Variants in CNBD1 observed in about 807,000 individuals in gnomAD.
The protein encoded by CNBD1 is cyclic nucleotide-binding domain-containing protein 1.
CNBD1 carries 71 observed loss-of-function variants against 54.4 expected under a neutral mutation model. The observed-to-expected ratio is 1.30, with a 90% CI of 1.08 to 1.59. The LOEUF is 1.59. CNBD1 is among the 40% of genes most tolerant of loss of function. CNBD1 has a pLI of 0.00. For synonymous variants in CNBD1, 182 were observed against 170.7 expected (o/e 1.07, Z -0.51); for missense variants, 659 against 518.0 (o/e 1.27, Z -2.64).
intron 10 of CNBD1, among the ~76,000 whole-genome samples, chr8:87,356,858 C>G (rs1165076014): frequency 6.6e-6 from 1 of 152,118 alleles, no homozygotes. Flanking sequence ...GACAGCTCCT[C>G]CCATCACAGG....
chr8:87,304,756 A>T (rs565659978), intron 8 of CNBD1, among the ~76,000 whole-genome samples: 7 of 152,154 alleles, frequency 4.6e-5, no homozygotes, highest in Admixed American at 3.9e-4. Flanking sequence ...AACAAGGGAC[A>T]TATCTTAATG....
chr8:87,053,433 A>G (rs1471543339), intron 4 of CNBD1, among the ~76,000 whole-genome samples: 1 of 152,176 alleles, frequency 6.6e-6, no homozygotes, highest in East Asian at 1.9e-4. Context: ...GTGCAGGCTG[A>G]GGATGGTTTT....
intron 10 of CNBD1, among the ~76,000 whole-genome samples, chr8:87,372,765 C>T (rs1247434741): frequency 1.3e-5 from 2 of 151,918 alleles, no homozygotes; most frequent in East Asian, 1.9e-4. Context: ...TCAATCACCT[C>T]ATATATGGCA....
At position 87,099,603 on chromosome 8, in the gene CNBD1, CAT is replaced by C. The variant is rs558540108; in HGVS notation, c.432-106389_432-106388del. ...GTTAGATCATTTAATTATTTCCTAA[CAT>C]GTTGAATGTGAGTGACAAAATAGAA... On this transcript the variant is annotated intron_variant, in intron 4 of 10. Transcript: ENST00000518476. Among the ~76,000 whole-genome samples the C allele has an allele frequency of 1.3e-3, 196 of 152,224 alleles. 1 individual carries two copies. Among genetic ancestry groups the C allele is most frequent in the African/African-American group, 4.6e-3 (190 of 41,532 alleles).
intron 4 of CNBD1, among the ~76,000 whole-genome samples, chr8:87,015,808 C>T (rs1809342628): frequency 6.6e-6 from 1 of 151,744 alleles, no homozygotes; most frequent in Admixed American, 6.6e-5. Flanking sequence ...TGGTGAAACC[C>T]CATCTCTACT....
At chr8:87,006,764 T>C (rs1388791796) in intron 4 of CNBD1, among the ~76,000 whole-genome samples, 1 of 152,186 alleles carries the variant, frequency 6.6e-6, no homozygotes, top group Non-Finnish European at 1.5e-5. Flanking sequence ...AGATGACAAC[T>C]CCTCCTCTTT....
rs182985265 is a variant in CNBD1, at chr8:86,951,199, T to C, written c.431+11445T>C. Among the ~76,000 whole-genome samples the C allele has an allele frequency of 8.2e-3, 1,251 of 152,236 alleles. 4 individuals are homozygous for C. The highest frequency in any genetic ancestry group is 0.013 in the Non-Finnish European group (915 of 68,000). On this transcript the variant is annotated intron_variant, in intron 4 of 10. Transcript: ENST00000518476. ...GAAAAATTATTAAATTCGTAGTTAT[T>C]TACAATGATTTTCTTAAAATAGATT... is the stretch of plus-strand genomic sequence containing the variant.
intron 4 of CNBD1, among the ~76,000 whole-genome samples, chr8:87,055,473 C>T (rs1388092904): frequency 6.6e-6 from 1 of 151,810 alleles, no homozygotes; most frequent in East Asian, 2.0e-4. Flanking sequence ...ATGAAACCCA[C>T]CATGTTAATG....
At chr8:87,245,535 A>G (rs964341465) in intron 6 of CNBD1, among the ~76,000 whole-genome samples, 2 of 151,984 alleles carry the variant, frequency 1.3e-5, no homozygotes, top group Admixed American at 6.6e-5. Context: ...TCAAAATATA[A>G]TCAAGCTTGC....
At chr8:86,884,225 C>G (rs1641020179) in intron 1 of CNBD1, among the ~76,000 whole-genome samples, 1 of 152,060 alleles carries the variant, frequency 6.6e-6, no homozygotes, top group South Asian at 2.1e-4. Flanking sequence ...CACTCCCCCA[C>G]TGCCCCCATT....
chr8:87,425,968 G>A lies in CNBD1; in HGVS notation c.214-2578G>A, dbSNP rs142837138. 5.6e-3 allele frequency among the ~76,000 whole-genome samples: 857 copies of A among 152,274 alleles called. 10 individuals carry two copies. Among genetic ancestry groups the A allele is most frequent in the East Asian group, 0.045 (230 of 5,152 alleles). On this transcript the variant is annotated intron_variant, in intron 2 of 7. Coordinates refer to the CNBD1 transcript ENST00000521593. ...TCAGACTGCTGTGCTAGCAATCAGCGAGACTCAGTGGGGCAGGACCCTCTG... is the reference window on the plus strand; with the variant it reads ...TCAGACTGCTGTGCTAGCAATCAGCAAGACTCAGTGGGGCAGGACCCTCTG...
chr8:87,275,321 G>A (rs1364868411), intron 6 of CNBD1, among the ~76,000 whole-genome samples: 1 of 150,508 alleles, frequency 6.6e-6, no homozygotes, highest in East Asian at 1.9e-4. Context: ...GAAAGTCATT[G>A]GTGGCTTGAT....
intron 2 of CNBD1, among the ~76,000 whole-genome samples, chr8:87,402,127 G>C (rs1390072376): frequency 6.6e-6 from 1 of 152,066 alleles, no homozygotes; most frequent in Non-Finnish European, 1.5e-5. Context: ...TGGCAGGCAA[G>C]AGAGCAAGTG....
chr8:87,275,616 A>C (rs1179852963), intron 6 of CNBD1, among the ~76,000 whole-genome samples: 1 of 151,672 alleles, frequency 6.6e-6, no homozygotes, highest in Non-Finnish European at 1.5e-5. Context: ...AGCCAATATC[A>C]TACTGAATGG....
intron 10 of CNBD1, among the ~76,000 whole-genome samples, chr8:87,370,680 C>T (rs1364155115): frequency 5.3e-5 from 8 of 150,976 alleles, no homozygotes; most frequent in African/African-American, 1.2e-4. Context: ...TGTAGGTTGC[C>T]TGTTCACTCT....
chr8:86,973,538 C>T (rs192179989), intron 4 of CNBD1, among the ~76,000 whole-genome samples: 1 of 152,242 alleles, frequency 6.6e-6, no homozygotes, highest in Non-Finnish European at 1.5e-5. Context: ...ATAAATGACT[C>T]TAGCTATTAT....
chr8:86,868,113 G>T (rs1287223610), intron 1 of CNBD1, among the ~76,000 whole-genome samples: 1 of 152,146 alleles, frequency 6.6e-6, no homozygotes, highest in Non-Finnish European at 1.5e-5. Context: ...TGATCTCATG[G>T]AAGCCAATGT....
intron 4 of CNBD1, among the ~76,000 whole-genome samples, chr8:87,046,953 T>C (rs756378320): frequency 3.3e-5 from 5 of 152,198 alleles, no homozygotes; most frequent in Non-Finnish European, 7.3e-5. Flanking sequence ...TATTTGCTAT[T>C]CTGATGTAAT....
chr8:87,334,504 T>C (rs1809901738), intron 8 of CNBD1, among the ~76,000 whole-genome samples: 2 of 152,070 alleles, frequency 1.3e-5, no homozygotes, highest in African/African-American at 4.8e-5. Context: ...AGGTTTCCGA[T>C]GTGGGCATTT....
Sources: allele counts gnomAD v4.1 joint callset (sites outside exome capture counted in the v4.1 genomes callset), GRCh38; gene constraint gnomAD v4.1.1; transcripts MANE v1.5; gene names NCBI Gene and HGNC (gene_info 2026-07-23, HGNC 2026-07-21).